The following PTPN3 variants were observed in gnomAD, a reference collection of about 807,000 sequenced individuals.
PTPN3 encodes the protein protein tyrosine phosphatase non-receptor type 3, also known as tyrosine-protein phosphatase non-receptor type 3.
In PTPN3, 96 loss-of-function variants were observed where a neutral mutation model predicts 132.7. The observed-to-expected ratio is 0.72, with a 90% confidence interval of 0.61 to 0.86. The LOEUF (loss-of-function observed/expected upper bound fraction) is 0.86, where lower values mean the gene tolerates loss of function less well. Ranked by LOEUF, PTPN3 falls within the 40% of genes least tolerant of loss-of-function variation. The pLI is 0.00. For synonymous variants in PTPN3, 398 were observed against 429.0 expected (o/e 0.93, Z 0.89); for missense variants, 1,125 against 1,159.6 (o/e 0.97, Z 0.43).
At chr9:109,452,041 G>A (rs926705424) in intron 5 of PTPN3, among the ~76,000 whole-genome samples, 4 of 152,082 alleles carry the variant, frequency 2.6e-5, no homozygotes, top group Non-Finnish European at 5.9e-5. Flanking sequence ...AGGCCGAGGC[G>A]GGCAGATCAC....
At chr9:109,395,367 A>G (rs894373205) in intron 19 of PTPN3, among the ~76,000 whole-genome samples, 2 of 152,264 alleles carry the variant, frequency 1.3e-5, no homozygotes, top group Non-Finnish European at 2.9e-5. Flanking sequence ...ATCAAAGTTA[A>G]GGTTGTTTTG....
chr9:109,379,618 C>G lies in PTPN3; in HGVS notation c.2680G>C (p.Val894Leu), dbSNP rs1242761360. ...MVQTSSQYKF[V>L]CEAILRVYEE... ...TACACACGAAGAATCGCTTCACACA[C>G]AAACTTGTACTGGCTCTGGAAAAGA... Residue 894 changes from valine (V) to leucine (L), a missense_variant, in exon 26 of 26, where the codon GTG becomes CTG. Transcript: ENST00000374541. 5 of 1,613,970 alleles carry G rather than the reference C, an allele frequency of 3.1e-6. No individual in the cohort carries two copies. In the Admixed American group the frequency reaches 5.0e-5, roughly 16 times the overall value.
chr9:109,415,129 A>G (rs980057978), intron 14 of PTPN3, among the ~76,000 whole-genome samples: 2 of 131,176 alleles, frequency 1.5e-5, no homozygotes, highest in South Asian at 2.6e-4. Flanking sequence ...CATCCATCCA[A>G]ATAGTCACTG....
chr9:109,490,693 T>C (rs767662857), intron 1 of PTPN3, among the ~76,000 whole-genome samples: 78 of 151,058 alleles, frequency 5.2e-4, no homozygotes, highest in Non-Finnish European at 9.2e-4. Flanking sequence ...GAGCTGAGAC[T>C]GAGCCACTGC....
At chr9:109,426,136 C>T (rs1843264705) in intron 12 of PTPN3, among the ~76,000 whole-genome samples, 1 of 150,750 alleles carries the variant, frequency 6.6e-6, no homozygotes, top group East Asian at 1.9e-4. Context: ...ATACAAACTG[C>T]ATGGTTATTT....
At chr9:109,510,576 A>AATAT in the PTPN3 span, among the ~76,000 whole-genome samples, 102 of 47,294 alleles carry the variant, frequency 2.2e-3, 1 homozygote, top group Non-Finnish European at 2.6e-3. Flanking sequence ...AAAAAAAAAA[A>AATAT]ATATATATAT....
At chr9:109,383,816 C>G (rs954075591) in intron 22 of PTPN3, among the ~76,000 whole-genome samples, 1 of 152,106 alleles carries the variant, frequency 6.6e-6, no homozygotes, top group Admixed American at 6.5e-5. Flanking sequence ...AGGGGCCACT[C>G]GCTGGAAGAG....
intron 14 of PTPN3, among the ~76,000 whole-genome samples, chr9:109,411,290 G>T (rs1314208039): frequency 6.6e-6 from 1 of 152,284 alleles, no homozygotes; most frequent in South Asian, 2.1e-4. Flanking sequence ...TGAGTAACTT[G>T]CCCAGGGTCA....
chr9:109,492,442 C>T (rs1847504849), intron 1 of PTPN3, among the ~76,000 whole-genome samples: 1 of 152,208 alleles, frequency 6.6e-6, no homozygotes, highest in Non-Finnish European at 1.5e-5. Flanking sequence ...TTCACTCACC[C>T]ACAGCGACTC....
chr9:109,380,837 G>GT (rs1470909644), intron 25 of PTPN3, among the ~76,000 whole-genome samples: 4 of 152,098 alleles, frequency 2.6e-5, no homozygotes, highest in African/African-American at 9.7e-5. Flanking sequence ...TACCCTGGGG[G>GT]TTTTTACCAG....
At chr9:109,420,986 T>C (rs1404157210) in intron 13 of PTPN3, among the ~76,000 whole-genome samples, 1 of 152,226 alleles carries the variant, frequency 6.6e-6, no homozygotes, top group Admixed American at 6.5e-5. Context: ...ATTTGAACAA[T>C]GCAAACAAAA....
At chr9:109,383,261 T>C (rs1839267105) in intron 23 of PTPN3, 162 bp downstream of exon 23, 2 of 1,268,440 alleles carry the variant, frequency 1.6e-6, no homozygotes, top group African/African-American at 1.5e-5. Context: ...AGGGCCACTG[T>C]GAACTCTGGG....
intron 5 of PTPN3, 37 bp from the exon 6 acceptor site, chr9:109,448,892 CT>C (rs1202495396): frequency 6.8e-7 from 1 of 1,461,904 alleles, no homozygotes. Flanking sequence ...CATACTCAAA[CT>C]GAAATAAGCA....
rs762481931 is a variant in PTPN3 at position 109,433,165 on chromosome 9, T to C, written c.676-4A>G. The C allele has an allele frequency of 7.4e-6, 12 of 1,613,694 alleles. No homozygotes were observed. The highest frequency in any genetic ancestry group is 1.0e-5 in the Non-Finnish European group (12 of 1,179,938). ...TTAGGTCTAAATTGTGCAGATCCTG[T>C]AAAAAGGAAGATCTCAGATCCACAG... On this transcript the variant is annotated splice_polypyrimidine_tract_variant and splice_region_variant and intron_variant, in intron 9 of 25. Coordinates refer to ENST00000374541, the MANE Select transcript of PTPN3 (RefSeq NM_002829.4).
At chr9:109,535,830 G>A in the PTPN3 span, among the ~76,000 whole-genome samples, 135,750 of 152,228 alleles carry the variant, frequency 0.89, 60,774 homozygotes, top group African/African-American at 0.97. Flanking sequence ...AGAGCCTTCT[G>A]CTTCCTCTTT....
At chr9:109,457,732 T>C (rs1299816334) in intron 2 of PTPN3, among the ~76,000 whole-genome samples, 1 of 152,178 alleles carries the variant, frequency 6.6e-6, no homozygotes, top group Non-Finnish European at 1.5e-5. Flanking sequence ...CTCCAGTGGA[T>C]TATCCACAAT....
chr9:109,449,536 A>G (rs10979871), intron 5 of PTPN3: 352,651 of 985,286 alleles, frequency 0.36, 64,673 homozygotes, highest in African/African-American at 0.52. Flanking sequence ...CAGGCCCCTC[A>G]GCCTGTGACT....
intron 1 of PTPN3, among the ~76,000 whole-genome samples, chr9:109,484,294 G>A (rs556886953): frequency 6.6e-6 from 1 of 152,318 alleles, no homozygotes; most frequent in Non-Finnish European, 1.5e-5. Context: ...ATCATCACAC[G>A]ACCTTGTGAG....
At chr9:109,506,512 CT>C in the PTPN3 span, among the ~76,000 whole-genome samples, 1 of 150,082 alleles carries the variant, frequency 6.7e-6, no homozygotes, top group African/African-American at 2.5e-5. Flanking sequence ...TCCTTCCTTC[CT>C]TCTTTCCTTC....
Sources: gnomAD v4.1 joint callset for allele counts (sites outside exome capture counted in the v4.1 genomes callset) on GRCh38, gnomAD v4.1.1 for gene constraint, MANE v1.5 for transcripts, NCBI Gene and HGNC (gene_info 2026-07-23, HGNC 2026-07-21) for gene names.